NCOA1: variants seen among roughly 807,000 people sequenced by gnomAD.
NCOA1 encodes Hin-2 protein.
A neutral mutation model predicts 150.9 loss-of-function variants in NCOA1; 35 were observed. The ratio of observed to expected loss-of-function variants is 0.23; its 90% confidence interval spans 0.18 to 0.31. NCOA1 has a LOEUF of 0.31. Among genes scored for constraint, NCOA1 ranks in the 10% least tolerant of loss-of-function variants. NCOA1 has a pLI of 1.00. For missense variants in NCOA1, 1,491 were observed against 1,749.3 expected (o/e 0.85, Z 2.63); for synonymous variants, 590 against 630.0 (o/e 0.94, Z 0.95).
intron 9 of NCOA1, among the ~76,000 whole-genome samples, chr2:24,692,893 C>T (rs1393846661): frequency 6.6e-6 from 1 of 152,246 alleles, no homozygotes; most frequent in Admixed American, 6.5e-5. Context: ...CGGAGTCTCG[C>T]TCTGTGGCCC....
intron 1 of NCOA1, among the ~76,000 whole-genome samples, chr2:24,556,366 A>G (rs1339228427): frequency 2.0e-5 from 3 of 152,152 alleles, no homozygotes; most frequent in Admixed American, 6.5e-5. Flanking sequence ...CATGGTGTAT[A>G]TGTACCACAT....
chr2:24,684,530 T>C lies in NCOA1; in HGVS notation c.532+1402T>C, dbSNP rs181005119. Among the ~76,000 whole-genome samples, 30 of 152,302 alleles carry C rather than the reference T, an allele frequency of 2.0e-4. No homozygotes were observed. The East Asian group carries it at 5.2e-3, about 26-fold the overall frequency. On this transcript the variant is annotated intron_variant, in intron 8 of 22. Transcript: ENST00000348332. ...AGTGTCATCTACTAGCTTATGTGCTTGCTAGTGGTGCTGCTCCCGGCTGCT... is the reference window on the plus strand; with the variant it reads ...AGTGTCATCTACTAGCTTATGTGCTCGCTAGTGGTGCTGCTCCCGGCTGCT...
intron 6 of NCOA1, among the ~76,000 whole-genome samples, chr2:24,671,348 C>G (rs996206389): frequency 2.0e-5 from 3 of 152,012 alleles, no homozygotes; most frequent in Non-Finnish European, 2.9e-5. Context: ...TGAGTATGCT[C>G]AAGTCCCTGA....
intron 9 of NCOA1, 136 bp downstream of exon 9, chr2:24,691,796 T>C (rs1028639840): frequency 2.6e-6 from 2 of 773,680 alleles, no homozygotes; most frequent in Non-Finnish European, 3.9e-6. Context: ...CTATTCCATT[T>C]GCTATATATT....
intron 3 of NCOA1, among the ~76,000 whole-genome samples, chr2:24,629,015 G>A (rs1221994697): frequency 6.6e-6 from 1 of 152,096 alleles, no homozygotes; most frequent in Non-Finnish European, 1.5e-5. Flanking sequence ...AATAAAGTGT[G>A]ATAGTGTAAA....
intron 14 of NCOA1, among the ~76,000 whole-genome samples, chr2:24,717,938 C>T (rs1210418160): frequency 1.3e-5 from 2 of 149,748 alleles, no homozygotes; most frequent in Non-Finnish European, 3.0e-5. Flanking sequence ...TCTCTGTTGC[C>T]TAGGCTGGAG....
chr2:24,748,425 T>C (rs1664051159), intron 19 of NCOA1, among the ~76,000 whole-genome samples: 1 of 151,954 alleles, frequency 6.6e-6, no homozygotes, highest in Non-Finnish European at 1.5e-5. Flanking sequence ...GCCTCACCAA[T>C]ATGATGAAAT....
intron 1 of NCOA1, among the ~76,000 whole-genome samples, chr2:24,563,610 T>C (rs2148259336): frequency 6.6e-6 from 1 of 152,178 alleles, no homozygotes; most frequent in South Asian, 2.1e-4. Flanking sequence ...CTCAACCTCT[T>C]GGGCTCAAGC....
intron 4 of NCOA1, among the ~76,000 whole-genome samples, chr2:24,648,907 A>C (rs1670593525): frequency 6.6e-6 from 1 of 152,064 alleles, no homozygotes; most frequent in Non-Finnish European, 1.5e-5. Context: ...ATATTGAAGT[A>C]ATTTTTTGTG....
intron 1 of NCOA1, among the ~76,000 whole-genome samples, chr2:24,520,346 A>T (rs1465118281): frequency 6.6e-6 from 1 of 152,262 alleles, no homozygotes; most frequent in Non-Finnish European, 1.5e-5. Context: ...AATTAGAAAC[A>T]ATCCAAACGT....
At chr2:24,689,494 C>CG (rs1174696022) in intron 8 of NCOA1, among the ~76,000 whole-genome samples, 4 of 151,928 alleles carry the variant, frequency 2.6e-5, no homozygotes, top group Non-Finnish European at 4.4e-5. Context: ...CTGCAAGCTC[C>CG]GCCTCCCAGG....
intron 1 of NCOA1, among the ~76,000 whole-genome samples, chr2:24,505,718 G>A (rs1663665615): frequency 6.6e-6 from 1 of 152,110 alleles, no homozygotes; most frequent in Admixed American, 6.5e-5. Context: ...ATGTGACTCA[G>A]GCTTGGTCTG....
chr2:24,767,932 A>C (rs894296043), intron 22 of NCOA1: 2 of 687,228 alleles, frequency 2.9e-6, no homozygotes, highest in Admixed American at 5.4e-5. Flanking sequence ...GCTTCTCCCA[A>C]TCTTGGCAAC....
intron 22 of NCOA1, among the ~76,000 whole-genome samples, chr2:24,766,977 C>CT: frequency 6.6e-6 from 1 of 152,178 alleles, no homozygotes; most frequent in South Asian, 2.1e-4. Flanking sequence ...CAGTGCAAAT[C>CT]TAACTAGAGA....
At chr2:24,607,943 C>A (rs1668446006) in intron 3 of NCOA1, among the ~76,000 whole-genome samples, 1 of 152,090 alleles carries the variant, frequency 6.6e-6, no homozygotes, top group Middle Eastern at 3.4e-3. Context: ...TAATACCATA[C>A]AATACACTTT....
At chr2:24,544,512 GTGGTGGATTGCTT>G (rs1665529160) in intron 1 of NCOA1, among the ~76,000 whole-genome samples, 1 of 152,132 alleles carries the variant, frequency 6.6e-6, no homozygotes. Flanking sequence ...GAAGGCCAAG[GTGGTGGATTGCTT>G]GAGTTCAGGA....
rs189756287 is a variant in NCOA1 at position 24,651,025 on chromosome 2, T to C, written c.-18+6903T>C. Among the ~76,000 whole-genome samples the C allele has an allele frequency of 3.8e-3, 579 of 152,166 alleles. 1 individual carries two copies. The highest frequency in any genetic ancestry group is 7.0e-3 in the Non-Finnish European group (476 of 67,950). The stretch of plus-strand genomic sequence containing the variant: ...ATTTTTAGATTTGGGATGCTCAACC[T>C]GTATCAAAAAGACAAAAGATAACAA... On this transcript the variant is annotated intron_variant, in intron 4 of 22. Transcript: ENST00000348332.
intron 2 of NCOA1, among the ~76,000 whole-genome samples, chr2:24,579,894 ACT>A (rs1667131712): frequency 6.6e-6 from 1 of 152,104 alleles, no homozygotes; most frequent in Non-Finnish European, 1.5e-5. Context: ...AAGTAAAGAA[ACT>A]CTTCAGTTGA....
chr2:24,493,824 G>T (rs187843139), intron 1 of NCOA1, among the ~76,000 whole-genome samples: 1 of 152,192 alleles, frequency 6.6e-6, no homozygotes, highest in Non-Finnish European at 1.5e-5. Flanking sequence ...AGCATGAAGC[G>T]GGTGTGATGT....
Sources: allele counts gnomAD v4.1 joint callset (sites outside exome capture counted in the v4.1 genomes callset), GRCh38; gene constraint gnomAD v4.1.1; transcripts MANE v1.5; gene names NCBI Gene and HGNC (gene_info 2026-07-23, HGNC 2026-07-21).